LAMB2: variants seen among roughly 807,000 people sequenced by gnomAD.
LAMB2 encodes laminin subunit beta 2.
Under a neutral mutation model 202.7 loss-of-function variants are expected in LAMB2, and 119 were observed. The ratio of observed to expected loss-of-function variants is 0.59; its 90% CI spans 0.51 to 0.68. LAMB2 has a LOEUF of 0.68. Ranked by LOEUF, LAMB2 falls within the 30% of genes least tolerant of loss-of-function variation. The pLI, the probability that LAMB2 is intolerant of heterozygous loss-of-function variation, is 0.00. For synonymous variants in LAMB2, 818 were observed against 902.2 expected (o/e 0.91, Z 1.67); for missense variants, 2,124 against 2,410.6 (o/e 0.88, Z 2.49).
intron 21 of LAMB2, 34 bp from the exon 22 acceptor site, chr3:49,124,646 G>A: frequency 4.3e-6 from 7 of 1,613,816 alleles, no homozygotes; most frequent in South Asian, 2.2e-5. Flanking sequence ...GTAGTCAAGA[G>A]GAGGCCAAGA....
Position 49,131,692 on chromosome 3 carries a change from C to T in LAMB2, c.491G>A (p.Arg164His), listed in dbSNP as rs1187799924. The change falls in exon 5 of 32, where the codon CGC becomes CAC. Residue 164 changes from arginine (R) to histidine (H), a missense_variant. By Grantham distance (29) the Arg-to-His change is conservative. Around this residue, in one of 3 missense-constraint regions of LAMB2, gnomAD observed 256 missense variants for 356.1 expected, o/e 0.72. Transcript: ENST00000305544. This position sits in a 1 kb window ranked among gnomAD's most constrained non-coding sequence, Gnocchi z 5.0. ...TFRPAAMLVE[R>H]SADFGRTWHV... is the part of the protein sequence containing the mutation. ...CCAGGTGCGGCCAAAGTCTGCTGAGCGTTCCACCAGCATGGCAGCAGGGCG... is the reference window on the plus strand; with the variant it reads ...CCAGGTGCGGCCAAAGTCTGCTGAGTGTTCCACCAGCATGGCAGCAGGGCG... 10 of 1,613,324 alleles carry T rather than the reference C, an allele frequency of 6.2e-6. No homozygotes were observed. Among genetic ancestry groups the T allele is most frequent in the African/African-American group, 1.3e-5 (1 of 74,860 alleles).
In LAMB2 at chr3:49,129,824, G is replaced by T; in HGVS notation, c.1405+15C>A. 1.2e-6 allele frequency: 2 copies of T among 1,613,656 alleles called. No homozygotes were observed. The highest frequency in any genetic ancestry group is 1.7e-6 in the Non-Finnish European group (2 of 1,179,898). On this transcript the variant is annotated intron_variant, in intron 10 of 31. Transcript: ENST00000305544. This position sits in a 1 kb window ranked among gnomAD's most constrained non-coding sequence, Gnocchi z 6.1. Reference sequence around the variant, plus strand: ...GTTAAAGGTCAGCATAGAAGTTAGGGCAGGAGACACATACGCCGGCAGCCC... The same window carrying T: ...GTTAAAGGTCAGCATAGAAGTTAGGTCAGGAGACACATACGCCGGCAGCCC...
rs2045470139 is a variant in LAMB2, at chr3:49,130,609, G to A, written c.1036+131C>T. 1 of 1,447,020 alleles carries A rather than the reference G, an allele frequency of 6.9e-7. No individual in the cohort carries two copies. The highest frequency in any genetic ancestry group is 9.6e-7 in the Non-Finnish European group (1 of 1,039,742). 89.6% of individuals were successfully genotyped at this position (1,447,020 alleles called of 1,614,324 possible). A position where few individuals can be genotyped will look rare whatever the true frequency, so the allele number is the denominator to read the frequency against. ...AGAGGAGGATTGAGGGGGTCCCAAG[G>A]GGCATCAAGGTCTGCATACTCTTTG... On this transcript the variant is annotated intron_variant, in intron 8 of 31. Transcript: ENST00000305544. The surrounding 1 kb of genome is among the most constrained non-coding windows in gnomAD (Gnocchi z 5.0).
Position 49,121,114 on chromosome 3 carries a change from TG to T in LAMB2, c.*111del. 2 of 1,217,078 alleles carry T rather than the reference TG, an allele frequency of 1.6e-6. No homozygotes were observed. The highest frequency in any genetic ancestry group is 1.2e-6 in the Non-Finnish European group (1 of 858,136). 75.4% of individuals were successfully genotyped at this position (1,217,078 alleles called of 1,614,324 possible). Reference sequence around the variant, plus strand: ...CCAAATCAGAGTCCAGACAACACAGTGGGGGTTCACACTGGTTTATTGGGGG... The same window carrying T: ...CCAAATCAGAGTCCAGACAACACAGTGGGGTTCACACTGGTTTATTGGGGG... On this transcript the variant is annotated 3_prime_UTR_variant, in exon 32 of 32. Coordinates refer to ENST00000305544, the MANE Select transcript of LAMB2 (RefSeq NM_002292.4).
At chr3:49,128,610 G>A in intron 14 of LAMB2, 25 bp from the exon 15 acceptor site, 1 of 1,614,230 alleles carries the variant, frequency 6.2e-7, no homozygotes, top group African/African-American at 1.3e-5. Context: ...TGATGGAGGA[G>A]ATGCTCCCAC....
Position 49,133,038 on chromosome 3 carries a change from A to C in LAMB2, c.-171T>G. On this transcript the variant is annotated 5_prime_UTR_variant, in exon 1 of 32. Transcript: ENST00000305544. ...CGGTCCCTCCGACAGCTTAGAGTCC[A>C]GCGACTTTGAGCAAAGTTGGGAATC... The C allele has an allele frequency of 1.6e-6, 1 of 623,780 alleles. No homozygotes were observed. Among genetic ancestry groups the C allele is most frequent in the Non-Finnish European group, 2.9e-6 (1 of 348,682 alleles). 38.6% of individuals were successfully genotyped at this position (623,780 alleles called of 1,614,324 possible).
In LAMB2 at chr3:49,122,703, CGGTTGA is replaced by C. The variant is rs1473398075; in HGVS notation, c.4568_4573del (p.Leu1523_Asn1524del). ...TGGCCTGGGACACGTGGGAGGCTCACGGTTGAGGAAGTCCTTCACACTCTGGATAAG... is the reference window on the plus strand; with the variant it reads ...TGGCCTGGGACACGTGGGAGGCTCACGGAAGTCCTTCACACTCTGGATAAG... On this transcript the variant is annotated inframe_deletion and splice_region_variant, in exon 27 of 32. Transcript: ENST00000305544. 2.5e-6 allele frequency: 4 copies of C among 1,612,774 alleles called. No homozygotes were observed. The highest frequency in any genetic ancestry group is 1.7e-4 in the Middle Eastern group (1 of 6,058).
chr3:49,129,038 A>G lies in LAMB2; in HGVS notation c.1713T>C (p.Ala571=), dbSNP rs780599018. ...RPFLDHLIWE[A]EDTRGQVLDV... ...CCCACACCTGCCCTCGGGTGTCCTC[A>G]GCCTCCCAAATTAGGTGGTCCAGGA... is the stretch of plus-strand genomic sequence containing the variant. The change falls in exon 13 of 32, where the codon GCT becomes GCC. Residue 571 remains alanine, a synonymous_variant. Coordinates refer to ENST00000305544, the MANE Select transcript of LAMB2 (RefSeq NM_002292.4). This position sits in a 1 kb window ranked among gnomAD's most constrained non-coding sequence, Gnocchi z 6.1. 1.2e-6 allele frequency: 2 copies of G among 1,611,066 alleles called. No individual in the cohort carries two copies. The highest frequency in any genetic ancestry group is 3.3e-5 in the Admixed American group (2 of 60,026).
rs1560071889 is a variant in LAMB2 at position 49,123,618 on chromosome 3, C to T, written c.3811G>A (p.Glu1271Lys). ...ATEELRREIG[E>K]ATEHLTQLEA... The stretch of plus-strand genomic sequence containing the variant: ...AGCTGAGTCAGGTGCTCAGTGGCCT[C>T]CCCAATTTCACGCCTGCAATGATGG... Residue 1271 changes from glutamate to lysine, a missense_variant, in exon 25 of 32, where the codon GAG becomes AAG. Physicochemically the swap from Glu to Lys is moderately conservative, Grantham distance 56. This residue lies in a region of LAMB2 where 1,702 missense variants were observed against 1,896.3 expected (regional missense o/e 0.90). Transcript: ENST00000305544. 4 of 1,614,138 alleles carry T rather than the reference C, an allele frequency of 2.5e-6. No individual in the cohort carries two copies. Among genetic ancestry groups the T allele is most frequent in the African/African-American group, 1.3e-5 (1 of 75,056 alleles).
At position 49,129,542 on chromosome 3, in the gene LAMB2, C is replaced by T; in HGVS notation, c.1518+62G>A. ...CCCACCCACTGGCATAGATGTGACA[C>T]CCCAGCCCTGTGCTCTAAGGACAAA... On this transcript the variant is annotated intron_variant, in intron 11 of 31. Coordinates refer to ENST00000305544, the MANE Select transcript of LAMB2 (RefSeq NM_002292.4). The surrounding 1 kb of genome is among the most constrained non-coding windows in gnomAD (Gnocchi z 6.1). 7.2e-7 allele frequency: 1 copy of T among 1,387,088 alleles called. No individual in the cohort carries two copies. The highest frequency in any genetic ancestry group is 1.0e-6 in the Non-Finnish European group (1 of 978,426). The allele number at this position is 1,387,088 out of a possible 1,614,324, so 85.9% of individuals were successfully genotyped here.
chr3:49,133,002 G>T lies in LAMB2; in HGVS notation c.-135C>A. On this transcript the variant is annotated 5_prime_UTR_variant, in exon 1 of 32. The change creates a new upstream start codon in the 5' untranslated region. Coordinates refer to ENST00000305544, the MANE Select transcript of LAMB2 (RefSeq NM_002292.4). Reference sequence around the variant, plus strand: ...CCTCCAGGCCCTCTGTCAGTTCCCAGGTCTGTCCAGCGGTCCCTCCGACAG... The same window carrying T: ...CCTCCAGGCCCTCTGTCAGTTCCCATGTCTGTCCAGCGGTCCCTCCGACAG... The T allele has an allele frequency of 1.3e-6, 1 of 766,252 alleles. No individual in the cohort carries two copies. Among genetic ancestry groups the T allele is most frequent in the Non-Finnish European group, 2.3e-6 (1 of 442,770 alleles). The allele number at this position is 766,252 out of a possible 1,614,324, so 47.5% of individuals were successfully genotyped here. A position where few individuals can be genotyped will look rare whatever the true frequency, so the allele number is the denominator to read the frequency against.
rs2045221797 is a variant in LAMB2, at chr3:49,121,308, T to C, written c.5315A>G (p.Gln1772Arg). Residue 1772 changes from glutamine to arginine, a missense_variant, in exon 32 of 32, where the codon CAG becomes CGG. Gln to Arg is a conservative substitution (Grantham distance 43, BLOSUM62 1). Transcript: ENST00000305544. ...NERALESKAA[Q>R]LDGLEARMRS... Reference sequence around the variant, plus strand: ...CATCCTGGCCTCCAACCCGTCCAACTGGGCTGCCTTACTCTCCAGTGCCCG... The same window carrying C: ...CATCCTGGCCTCCAACCCGTCCAACCGGGCTGCCTTACTCTCCAGTGCCCG... 1 of 1,613,628 alleles carries C rather than the reference T, an allele frequency of 6.2e-7. No homozygotes were observed. Among genetic ancestry groups the C allele is most frequent in the South Asian group, 1.1e-5 (1 of 91,062 alleles).
chr3:49,129,484 T>G lies in LAMB2; in HGVS notation c.1518+120A>C. On this transcript the variant is annotated intron_variant, in intron 11 of 31. Coordinates refer to ENST00000305544, the MANE Select transcript of LAMB2 (RefSeq NM_002292.4). The surrounding 1 kb of genome is among the most constrained non-coding windows in gnomAD (Gnocchi z 6.1). ...TCCTTGGCCTCCCAGACCTGAGGCT[T>G]CTCAGCCAGGACTGGATCCTAAGCT... 1.8e-6 allele frequency: 2 copies of G among 1,089,476 alleles called. No individual in the cohort carries two copies. 67.5% of individuals were successfully genotyped at this position (1,089,476 alleles called of 1,614,324 possible). A position where few individuals can be genotyped will look rare whatever the true frequency, so the allele number is the denominator to read the frequency against.
At chr3:49,128,318 G>T in intron 15 of LAMB2, 140 bp downstream of exon 15, 1 of 1,133,906 alleles carries the variant, frequency 8.8e-7, no homozygotes, top group Non-Finnish European at 1.2e-6. Flanking sequence ...GCCCAACAGG[G>T]CCTGGCAACC....
In LAMB2 at chr3:49,125,132, A is replaced by G. The variant is rs1474599857; in HGVS notation, c.2758T>C (p.Tyr920His). Residue 920 changes from tyrosine (Y) to histidine (H), a missense_variant, in exon 20 of 32, where the codon TAT (tyrosine) becomes CAT (histidine). Tyr to His is a moderately conservative substitution (Grantham distance 83). This residue lies in a region of LAMB2 where 1,702 missense variants were observed against 1,896.3 expected (regional missense o/e 0.90). Coordinates refer to ENST00000305544, the MANE Select transcript of LAMB2 (RefSeq NM_002292.4). ...GGACAGGGCCGGCACTGGCCCCCATATGGCAGCCGTGGGTCCCCGTGGAAA... is the reference window on the plus strand; with the variant it reads ...GGACAGGGCCGGCACTGGCCCCCATGTGGCAGCCGTGGGTCCCCGTGGAAA... ...AGFHGDPRLP[Y>H]GGQCRPCPCP... The G allele has an allele frequency of 6.2e-7, 1 of 1,613,468 alleles. No individual in the cohort carries two copies. The highest frequency in any genetic ancestry group is 8.5e-7 in the Non-Finnish European group (1 of 1,179,940).
intron 18 of LAMB2, 50 bp downstream of exon 18, chr3:49,125,697 T>C: frequency 6.2e-7 from 1 of 1,600,834 alleles, no homozygotes. Flanking sequence ...GAGAGAACAG[T>C]AATGGGAAGG....
rs2045496017 is a variant in LAMB2, at chr3:49,132,701, A to C, written c.77-38T>G. The C allele has an allele frequency of 6.2e-7, 1 of 1,614,028 alleles. No individual in the cohort carries two copies. Among genetic ancestry groups the C allele is most frequent in the Non-Finnish European group, 8.5e-7 (1 of 1,179,924 alleles). ...GCTCAGTCAGTTCCGCTGAGTTCCT[A>C]TCCAGTGGCTCCACCTCATGTGCCC... On this transcript the variant is annotated intron_variant, in intron 1 of 31. Coordinates refer to ENST00000305544, the MANE Select transcript of LAMB2 (RefSeq NM_002292.4). The surrounding 1 kb of genome is among the most constrained non-coding windows in gnomAD (Gnocchi z 4.6).
In LAMB2 at chr3:49,129,933, C is replaced by T. The variant is rs754837577; in HGVS notation, c.1311G>A (p.Gln437=). 16 of 1,614,124 alleles carry T rather than the reference C, an allele frequency of 9.9e-6. No homozygotes were observed. Among genetic ancestry groups the T allele is most frequent in the African/African-American group, 2.7e-5 (2 of 75,064 alleles). The change falls in exon 10 of 32, where the codon CAG becomes CAA. Residue 437 remains glutamine, a synonymous_variant. Transcript: ENST00000305544. The surrounding 1 kb of genome is among the most constrained non-coding windows in gnomAD (Gnocchi z 6.1). ...CCACCACATGTTCTTTGCAGCGACA[C>T]TGGCCGGAGACCAGTCCCAGTGCAG... ...DDPALGLVSG[Q]CRCKEHVVGT...
Position 49,125,061 on chromosome 3 carries a change from G to A in LAMB2, c.2829C>T (p.Cys943=). 6.2e-7 allele frequency: 1 copy of A among 1,613,954 alleles called. No homozygotes were observed. The highest frequency in any genetic ancestry group is 1.1e-5 in the South Asian group (1 of 91,090). Reference sequence around the variant, plus strand: ...TCTGCTGGGAATATTCATCCTGGTGGCAAGAAGTAGCAAAGTGCCGTTGGC... The same window carrying A: ...TCTGCTGGGAATATTCATCCTGGTGACAAGAAGTAGCAAAGTGCCGTTGGC... ...PGSQRHFATS[C]HQDEYSQQIV... The change falls in exon 20 of 32, where the codon TGC becomes TGT. Residue 943 remains cysteine (C), a synonymous_variant. Transcript: ENST00000305544.
Sources: allele counts gnomAD v4.1 joint callset, GRCh38; gene constraint gnomAD v4.1.1; regional missense constraint gnomAD v4.1.1; non-coding constraint Gnocchi (gnomAD v3.1); transcripts MANE v1.5; gene names NCBI Gene and HGNC (gene_info 2026-07-23, HGNC 2026-07-21).